Variants in ACYP2 observed in about 807,000 individuals in gnomAD.
ACYP2 encodes the protein acylphosphatase 2.
A neutral mutation model predicts 11.2 loss-of-function variants in ACYP2; 12 were observed. The ratio of observed to expected loss-of-function variants is 1.08; its 90% CI spans 0.69 to 1.74. The LOEUF (loss-of-function observed/expected upper bound fraction) is 1.74. ACYP2 is among the 40% of genes most tolerant of loss of function. The pLI is 0.00. For missense variants in ACYP2, 134 were observed against 101.9 expected (o/e 1.31, Z -1.35); for synonymous variants, 43 against 32.2 (o/e 1.33, Z -1.13).
intron 6 of ACYP2, among the ~76,000 whole-genome samples, chr2:54,265,871 A>G (rs1286142612): frequency 6.6e-6 from 1 of 152,236 alleles, no homozygotes; most frequent in Non-Finnish European, 1.5e-5. Flanking sequence ...CTTAGCATAT[A>G]TTAAGTATTT....
intron 4 of ACYP2, among the ~76,000 whole-genome samples, chr2:54,079,351 T>G (rs1677522479): frequency 6.6e-6 from 1 of 152,232 alleles, no homozygotes; most frequent in South Asian, 2.1e-4. Context: ...CTTCAGGTAA[T>G]CAAACCTAAG....
chr2:54,015,645 T>TCACACACACACACACA (rs4027206), intron 2 of ACYP2, among the ~76,000 whole-genome samples: 6 of 130,418 alleles, frequency 4.6e-5, no homozygotes, highest in Admixed American at 1.5e-4. Flanking sequence ...TGAGACCCCG[T>TCACACACACACACACA]CACACACACA....
chr2:54,256,274 C>T, intron 6 of ACYP2: 1 of 1,058,500 alleles, frequency 9.4e-7, no homozygotes, highest in Non-Finnish European at 1.4e-6. Context: ...TTCAGTCTCG[C>T]GACACCCACC....
intron 4 of ACYP2, among the ~76,000 whole-genome samples, chr2:54,064,218 G>A (rs1676621331): frequency 6.6e-6 from 1 of 152,162 alleles, no homozygotes; most frequent in African/African-American, 2.4e-5. Context: ...TACTTTAGGG[G>A]TCTTGGCAGG....
chr2:54,177,685 T>C (rs1213879922), intron 6 of ACYP2, among the ~76,000 whole-genome samples: 2 of 150,926 alleles, frequency 1.3e-5, no homozygotes, highest in Non-Finnish European at 3.0e-5. Context: ...TCAAGTGATG[T>C]TTGTGTCTCA....
intron 6 of ACYP2, among the ~76,000 whole-genome samples, chr2:54,180,104 A>G (rs11897209): frequency 0.14 from 20,928 of 152,112 alleles, 3,424 homozygotes; most frequent in African/African-American, 0.4. Context: ...CCAGTTTATT[A>G]TAAAGGATAT....
At chr2:54,076,129 T>G (rs186802167) in intron 4 of ACYP2, among the ~76,000 whole-genome samples, 1 of 152,218 alleles carries the variant, frequency 6.6e-6, no homozygotes, top group Non-Finnish European at 1.5e-5. Flanking sequence ...TACTGCTTAG[T>G]TTTTCATATG....
At chr2:54,077,906 C>T (rs1259469889) in intron 4 of ACYP2, among the ~76,000 whole-genome samples, 1 of 151,898 alleles carries the variant, frequency 6.6e-6, no homozygotes, top group African/African-American at 2.4e-5. Context: ...TAGACTAGGA[C>T]TATGTTCTAA....
intron 2 of ACYP2, among the ~76,000 whole-genome samples, chr2:54,040,829 A>G (rs1675180905): frequency 6.6e-6 from 1 of 152,182 alleles, no homozygotes; most frequent in Non-Finnish European, 1.5e-5. Flanking sequence ...GAGGTACTGG[A>G]CATGGGGAAT....
chr2:54,286,243 A>G (rs528975277), intron 6 of ACYP2, among the ~76,000 whole-genome samples: 5 of 152,068 alleles, frequency 3.3e-5, no homozygotes, highest in Non-Finnish European at 5.9e-5. Flanking sequence ...TACATTGTAG[A>G]GTATCCACTG....
chr2:54,197,662 C>G (rs1163419383), intron 6 of ACYP2, among the ~76,000 whole-genome samples: 4 of 152,076 alleles, frequency 2.6e-5, no homozygotes, highest in African/African-American at 9.7e-5. Flanking sequence ...TAAAGGCATT[C>G]TAGGCAGAGG....
At chr2:54,026,919 G>C (rs188760787) in intron 2 of ACYP2, among the ~76,000 whole-genome samples, 2 of 152,168 alleles carry the variant, frequency 1.3e-5, no homozygotes, top group African/African-American at 4.8e-5. Flanking sequence ...AGGGTGGGAG[G>C]GGAGCGAGGG....
intron 6 of ACYP2, among the ~76,000 whole-genome samples, chr2:54,292,191 A>C (rs1453851040): frequency 6.6e-6 from 1 of 152,142 alleles, no homozygotes; most frequent in African/African-American, 2.4e-5. Flanking sequence ...TCCATAGCAA[A>C]ACAAATCTTT....
chr2:54,248,932 G>A (rs773889819), intron 6 of ACYP2, among the ~76,000 whole-genome samples: 3 of 152,146 alleles, frequency 2.0e-5, no homozygotes, highest in Non-Finnish European at 4.4e-5. Context: ...GTTGAGGTGG[G>A]CAAATGAATC....
chr2:54,262,003 G>T (rs1190149330), intron 6 of ACYP2, among the ~76,000 whole-genome samples: 1 of 152,184 alleles, frequency 6.6e-6, no homozygotes, highest in African/African-American at 2.4e-5. Flanking sequence ...CATGGGAAAT[G>T]ATTTACCTTG....
chr2:54,050,329 T>C (rs1675776688), intron 2 of ACYP2, among the ~76,000 whole-genome samples: 1 of 151,930 alleles, frequency 6.6e-6, no homozygotes, highest in Admixed American at 6.6e-5. Flanking sequence ...GGGTGGATCA[T>C]GTGAGGCCAG....
intron 6 of ACYP2, among the ~76,000 whole-genome samples, chr2:54,151,802 T>C (rs945913134): frequency 3.9e-5 from 6 of 152,222 alleles, no homozygotes; most frequent in Admixed American, 3.3e-4. Flanking sequence ...AAGGTAATCA[T>C]ATTTAATAAA....
chr2:54,115,667 T>C, intron 4 of ACYP2: 1 of 1,604,988 alleles, frequency 6.2e-7, no homozygotes, highest in Non-Finnish European at 8.5e-7. Flanking sequence ...CGAGCCCCTC[T>C]CCGGCTCCTC....
intron 6 of ACYP2, among the ~76,000 whole-genome samples, chr2:54,163,418 T>A (rs1045949152): frequency 4.6e-5 from 7 of 152,170 alleles, no homozygotes; most frequent in South Asian, 4.1e-4. Flanking sequence ...CCCTCTGTTA[T>A]AATCAGCAGT....
Sources: gnomAD v4.1 joint callset for allele counts (sites outside exome capture counted in the v4.1 genomes callset) on GRCh38, gnomAD v4.1.1 for gene constraint, MANE v1.5 for transcripts, NCBI Gene and HGNC (gene_info 2026-07-23, HGNC 2026-07-21) for gene names.